Variants in PDE4D observed in about 807,000 individuals in gnomAD.
PDE4D encodes 3',5'-cyclic-AMP phosphodiesterase 4D.
A neutral mutation model predicts 87.4 loss-of-function variants in PDE4D; 24 were observed. The ratio of observed to expected loss-of-function variants is 0.27; its 90% CI spans 0.20 to 0.39. The LOEUF is 0.39. Among genes scored for constraint, PDE4D ranks in the 10% least tolerant of loss-of-function variants. The pLI is 1.00. For synonymous variants in PDE4D, 384 were observed against 383.2 expected (o/e 1.00, Z -0.02); for missense variants, 714 against 1,041.0 (o/e 0.69, Z 4.32).
intron 1 of PDE4D, among the ~76,000 whole-genome samples, chr5:59,691,993 T>G (rs1344207004): frequency 6.6e-6 from 1 of 152,106 alleles, no homozygotes; most frequent in African/African-American, 2.4e-5. Flanking sequence ...ATAAATTGGC[T>G]ATAAGTAGGT....
At chr5:59,513,974 T>C (rs190947455) in intron 1 of PDE4D, among the ~76,000 whole-genome samples, 29 of 152,324 alleles carry the variant, frequency 1.9e-4, no homozygotes, top group Middle Eastern at 3.4e-3. Flanking sequence ...GATAGGCATA[T>C]ACCTATTAGT....
intron 1 of PDE4D, among the ~76,000 whole-genome samples, chr5:59,342,799 C>A (rs1426483447): frequency 1.3e-5 from 2 of 152,046 alleles, no homozygotes; most frequent in African/African-American, 2.4e-5. Context: ...TCAAAAAATT[C>A]ATTTAAAAAT....
chr5:59,148,662 T>C (rs750246913), intron 5 of PDE4D, among the ~76,000 whole-genome samples: 1 of 152,044 alleles, frequency 6.6e-6, no homozygotes, highest in East Asian at 1.9e-4. Flanking sequence ...CCATTACCAA[T>C]GAAAACTTTT....
intron 8 of PDE4D, 83 bp from the exon 9 acceptor site, chr5:58,990,985 T>C: frequency 1.2e-6 from 1 of 827,568 alleles, no homozygotes; most frequent in Non-Finnish European, 1.9e-6. Flanking sequence ...ATTTAAAAAT[T>C]ACAGACCTTA....
intron 1 of PDE4D, among the ~76,000 whole-genome samples, chr5:59,407,313 G>A (rs930456879): frequency 4.6e-5 from 7 of 152,150 alleles, no homozygotes; most frequent in African/African-American, 7.2e-5. Flanking sequence ...AGCTCCCTGA[G>A]GCCTCTCCAG....
intron 1 of PDE4D, among the ~76,000 whole-genome samples, chr5:59,500,980 CTTAT>C (rs1808198133): frequency 6.6e-6 from 1 of 151,732 alleles, no homozygotes; most frequent in Admixed American, 6.6e-5. Context: ...TAATTTTTTT[CTTAT>C]TTAAATTCCA....
intron 1 of PDE4D, among the ~76,000 whole-genome samples, chr5:59,381,064 G>A (rs986272046): frequency 6.6e-6 from 1 of 152,038 alleles, no homozygotes; most frequent in Non-Finnish European, 1.5e-5. Flanking sequence ...TGGAGCTAGA[G>A]CTCTGATAAT....
chr5:59,526,997 T>G (rs1184143395), intron 1 of PDE4D, among the ~76,000 whole-genome samples: 1 of 152,214 alleles, frequency 6.6e-6, no homozygotes, highest in African/African-American at 2.4e-5. Context: ...TTCATTTTAA[T>G]TTTTGACTAT....
intron 1 of PDE4D, among the ~76,000 whole-genome samples, chr5:60,374,331 G>A (rs1761266647): frequency 6.6e-6 from 1 of 152,184 alleles, no homozygotes; most frequent in African/African-American, 2.4e-5. Flanking sequence ...TTAGAAAGAA[G>A]GGAGGAGAAA....
At chr5:60,414,147 CAAAT>C (rs1742284016) in intron 1 of PDE4D, among the ~76,000 whole-genome samples, 2 of 152,172 alleles carry the variant, frequency 1.3e-5, no homozygotes, top group Non-Finnish European at 2.9e-5. Context: ...CGAATCTCCT[CAAAT>C]AAACAAACCA....
chr5:59,497,893 G>A (rs935345011), intron 1 of PDE4D, among the ~76,000 whole-genome samples: 6 of 151,880 alleles, frequency 4.0e-5, no homozygotes, highest in Admixed American at 2.0e-4. Context: ...CAAGGTCAAC[G>A]TGAAAGAAAA....
chr5:59,370,807 A>T (rs996237465), intron 1 of PDE4D, among the ~76,000 whole-genome samples: 1 of 152,216 alleles, frequency 6.6e-6, no homozygotes, highest in Non-Finnish European at 1.5e-5. Flanking sequence ...TCTGAGAGCC[A>T]TATGAGATAA....
chr5:59,752,928 G>A (rs374600000), intron 1 of PDE4D, among the ~76,000 whole-genome samples: 2 of 152,140 alleles, frequency 1.3e-5, no homozygotes, highest in African/African-American at 2.4e-5. Context: ...GGCAGGGATC[G>A]GCAAATTACG....
At chr5:60,295,159 T>G (rs1044776944) in intron 1 of PDE4D, among the ~76,000 whole-genome samples, 2 of 152,230 alleles carry the variant, frequency 1.3e-5, no homozygotes, top group East Asian at 3.8e-4. Context: ...GTTTTAATTG[T>G]CCATTGTATT....
chr5:60,075,166 A>T (rs1773155819), intron 2 of PDE4D, among the ~76,000 whole-genome samples: 2 of 152,092 alleles, frequency 1.3e-5, no homozygotes, highest in Non-Finnish European at 1.5e-5. Flanking sequence ...TCCTTTTCAT[A>T]TTTAGTGCTT....
chr5:59,599,400 A>T (rs1031459508), intron 1 of PDE4D, among the ~76,000 whole-genome samples: 10 of 150,624 alleles, frequency 6.6e-5, no homozygotes, highest in Non-Finnish European at 1.3e-4. Flanking sequence ...TTATTTATTT[A>T]TTTATTTTTT....
At chr5:60,242,648 T>C (rs555134868) in intron 1 of PDE4D, among the ~76,000 whole-genome samples, 1 of 151,978 alleles carries the variant, frequency 6.6e-6, no homozygotes, top group South Asian at 2.1e-4. Flanking sequence ...CCAACCACAA[T>C]GGAAGAAAAC....
At chr5:60,501,321 G>C (rs1170276175) in intron 1 of PDE4D, among the ~76,000 whole-genome samples, 6 of 151,924 alleles carry the variant, frequency 3.9e-5, no homozygotes, top group Admixed American at 6.6e-5. Flanking sequence ...CCCTACAAAG[G>C]ACATGAACTC....
chr5:59,684,383 C>G (rs2150375062), intron 1 of PDE4D, among the ~76,000 whole-genome samples: 1 of 152,228 alleles, frequency 6.6e-6, no homozygotes, highest in South Asian at 2.1e-4. Flanking sequence ...AGCACAAATG[C>G]AGCTCTCGAT....
Sources: allele counts gnomAD v4.1 joint callset (sites outside exome capture counted in the v4.1 genomes callset), GRCh38; gene constraint gnomAD v4.1.1; transcripts MANE v1.5; gene names NCBI Gene and HGNC (gene_info 2026-07-23, HGNC 2026-07-21).